SIPA1L1: variants seen among roughly 807,000 people sequenced by gnomAD.
The protein encoded by SIPA1L1 is signal induced proliferation associated 1 like 1.
A neutral mutation model predicts 162.7 loss-of-function variants in SIPA1L1; 26 were observed. The observed-to-expected ratio is 0.16, with a 90% CI of 0.12 to 0.22. SIPA1L1 has a LOEUF of 0.22. Ranked by LOEUF, SIPA1L1 falls within the 10% of genes least tolerant of loss-of-function variation. SIPA1L1 has a pLI of 1.00. For synonymous variants in SIPA1L1, 829 were observed against 837.4 expected, an observed-to-expected ratio of 0.99 and a Z score of 0.17; for missense variants, 1,874 against 2,241.0, an observed-to-expected ratio of 0.84 and a Z score of 3.31.
chr14:71,327,964 A>G (rs1241303283), intron 2 of SIPA1L1, among the ~76,000 whole-genome samples: 1 of 152,214 alleles, frequency 6.6e-6, no homozygotes, highest in African/African-American at 2.4e-5. Context: ...CTTGTGAAAC[A>G]TGTTAGGAAG....
intron 2 of SIPA1L1, among the ~76,000 whole-genome samples, chr14:71,481,315 CA>C (rs1164973882): frequency 2.0e-5 from 3 of 152,000 alleles, no homozygotes; most frequent in African/African-American, 7.2e-5. Context: ...CCTACCTCTA[CA>C]AAAAATACAA....
intron 2 of SIPA1L1, among the ~76,000 whole-genome samples, chr14:71,480,147 A>T (rs1279635258): frequency 6.7e-5 from 10 of 148,594 alleles, no homozygotes; most frequent in Non-Finnish European, 1.0e-4. Flanking sequence ...CAGTTGTGTG[A>T]TCTTGGCTCA....
At chr14:71,654,792 C>T (rs573847548) in intron 8 of SIPA1L1, among the ~76,000 whole-genome samples, 2 of 152,080 alleles carry the variant, frequency 1.3e-5, no homozygotes, top group South Asian at 4.2e-4. Flanking sequence ...AGCACATTGT[C>T]CCTTTAGAGT....
intron 4 of SIPA1L1, among the ~76,000 whole-genome samples, chr14:71,535,227 G>A (rs908103059): frequency 6.6e-5 from 10 of 152,202 alleles, no homozygotes; most frequent in African/African-American, 2.4e-4. Flanking sequence ...AAATACCTAT[G>A]TATGGTGTGT....
At chr14:71,425,965 G>T (rs564844300) in intron 2 of SIPA1L1, among the ~76,000 whole-genome samples, 1 of 152,006 alleles carries the variant, frequency 6.6e-6, no homozygotes, top group South Asian at 2.1e-4. Flanking sequence ...TAATGTAAGC[G>T]TTTTTGACCT....
At chr14:71,606,753 T>A (rs1353454313) in intron 5 of SIPA1L1, among the ~76,000 whole-genome samples, 1 of 152,128 alleles carries the variant, frequency 6.6e-6, no homozygotes, top group Non-Finnish European at 1.5e-5. Context: ...CAGGTTCAAT[T>A]TCCTGGTTTT....
At chr14:71,573,455 G>T in intron 4 of SIPA1L1, 1 of 421,724 alleles carries the variant, frequency 2.4e-6, no homozygotes, top group South Asian at 1.7e-5. Flanking sequence ...AGCATTCACA[G>T]TGTGTCCTGT....
In SIPA1L1 at chr14:71,709,684, G is replaced by C. The variant is rs1289955846; in HGVS notation, c.4208+20G>C. 2 of 1,594,234 alleles carry C rather than the reference G, an allele frequency of 1.3e-6. No homozygotes were observed. Among genetic ancestry groups the C allele is most frequent in the Non-Finnish European group, 1.7e-6 (2 of 1,168,302 alleles). ...CACAAGGTAACCACCCTTCCCCGCT[G>C]TCTGATTCCCAGCCCAGACCTAAGC... On this transcript the variant is annotated intron_variant, in intron 17 of 23. Coordinates refer to ENST00000381232, the MANE Select transcript of SIPA1L1 (RefSeq NM_001386936.1).
intron 12 of SIPA1L1, among the ~76,000 whole-genome samples, chr14:71,673,349 C>T (rs1184505182): frequency 6.6e-6 from 1 of 152,280 alleles, no homozygotes; most frequent in Middle Eastern, 3.4e-3. Flanking sequence ...GCTATTTTTG[C>T]TAGTTTTTAA....
At chr14:71,511,688 G>T (rs1418240093) in intron 2 of SIPA1L1, among the ~76,000 whole-genome samples, 2 of 152,066 alleles carry the variant, frequency 1.3e-5, no homozygotes, top group Admixed American at 1.3e-4. Context: ...GTGTCTTTTT[G>T]TATATTAATA....
chr14:71,502,347 T>C (rs1310996723), intron 2 of SIPA1L1, among the ~76,000 whole-genome samples: 1 of 150,720 alleles, frequency 6.6e-6, no homozygotes, highest in Admixed American at 6.6e-5. Flanking sequence ...TAAGTGATTC[T>C]CATGCCTCAG....
chr14:71,342,904 C>T (rs2035800623), intron 2 of SIPA1L1, among the ~76,000 whole-genome samples: 1 of 152,090 alleles, frequency 6.6e-6, no homozygotes, highest in African/African-American at 2.4e-5. Context: ...ATTTAATCTC[C>T]TAAGAACGAA....
At chr14:71,537,227 A>G (rs544347513) in intron 4 of SIPA1L1, among the ~76,000 whole-genome samples, 2 of 152,050 alleles carry the variant, frequency 1.3e-5, no homozygotes, top group East Asian at 3.9e-4. Flanking sequence ...TTTTTTTGAG[A>G]CAGAGTCTAG....
chr14:71,668,067 A>C (rs1173783883), intron 10 of SIPA1L1, among the ~76,000 whole-genome samples: 1 of 152,056 alleles, frequency 6.6e-6, no homozygotes, highest in Non-Finnish European at 1.5e-5. Flanking sequence ...TCCGTCTCAA[A>C]AAAAAAAAAA....
chr14:71,631,006 A>G (rs530189049), intron 7 of SIPA1L1, among the ~76,000 whole-genome samples: 39 of 152,014 alleles, frequency 2.6e-4, no homozygotes, highest in African/African-American at 7.7e-4. Flanking sequence ...ATTTCTCCCA[A>G]TGCTATCCCT....
At chr14:71,647,543 C>G (rs1179744458) in intron 7 of SIPA1L1, among the ~76,000 whole-genome samples, 1 of 151,966 alleles carries the variant, frequency 6.6e-6, no homozygotes, top group East Asian at 1.9e-4. Context: ...TTTGTTTTAC[C>G]CTGTTGCAAG....
At chr14:71,613,854 G>A (rs1199394823) in intron 5 of SIPA1L1, among the ~76,000 whole-genome samples, 3 of 136,780 alleles carry the variant, frequency 2.2e-5, no homozygotes, top group Admixed American at 1.6e-4. Flanking sequence ...ACTGCCCGGG[G>A]ACTAGGGGCC....
At chr14:71,705,490 C>A in intron 16 of SIPA1L1, 150 bp downstream of exon 16, 1 of 681,900 alleles carries the variant, frequency 1.5e-6, no homozygotes, top group Admixed American at 2.2e-5. Flanking sequence ...CTTGCAGTTT[C>A]TGCTGCCATG....
Position 71,366,476 on chromosome 14 carries a change from G to C in SIPA1L1, c.-465+45295G>C, listed in dbSNP as rs572161154. ...TTTTTGAGATGGAGCTCGCTCTGAC[G>C]CCCAGGCTGGAGTGCAGTGGCGTGA... On this transcript the variant is annotated intron_variant, in intron 2 of 23. Transcript: ENST00000381232. Among the ~76,000 whole-genome samples, 38 of 152,172 alleles carry C rather than the reference G, an allele frequency of 2.5e-4. No individual in the cohort carries two copies. In the South Asian group the frequency reaches 7.5e-3, roughly 30 times the overall value.
Sources: gnomAD v4.1 joint callset for allele counts (sites outside exome capture counted in the v4.1 genomes callset) on GRCh38, gnomAD v4.1.1 for gene constraint, MANE v1.5 for transcripts, NCBI Gene and HGNC (gene_info 2026-07-23, HGNC 2026-07-21) for gene names.